NCL: variants seen among roughly 807,000 people sequenced by gnomAD.
NCL encodes the protein nucleolin multifunctional protein.
NCL carries 4 observed loss-of-function variants against 77.7 expected under a neutral mutation model. That is an observed-to-expected ratio of 0.05 (90% confidence interval 0.03 to 0.12). NCL has a LOEUF of 0.12. Ranked by LOEUF, NCL falls within the 10% of genes least tolerant of loss-of-function variation. NCL has a pLI of 1.00. For missense variants in NCL, 763 were observed against 860.9 expected (o/e 0.89, Z 1.42); for synonymous variants, 344 against 297.8 (o/e 1.16, Z -1.60).
At chr2:231,458,540 T>C (rs2046914902) in intron 7 of NCL, 151 bp from the exon 8 acceptor site, 4 of 987,158 alleles carry the variant, frequency 4.1e-6, no homozygotes, top group Admixed American at 5.8e-5. Context: ...TATGGAGATA[T>C]AGCAGTGTCA....
rs1394175523 is a variant in NCL at position 231,454,867 on chromosome 2, C to CAA, written c.*322_*323dup. 2 of 168,162 alleles carry CAA rather than the reference C, an allele frequency of 1.2e-5. No homozygotes were observed. Among genetic ancestry groups the CAA allele is most frequent in the Non-Finnish European group, 2.4e-5 (2 of 83,036 alleles). The allele number at this position is 168,162 out of a possible 1,614,324, so 10.4% of individuals were successfully genotyped here. A position where few individuals can be genotyped will look rare whatever the true frequency, so the allele number is the denominator to read the frequency against. On this transcript the variant is annotated 3_prime_UTR_variant, in exon 14 of 14. Transcript: ENST00000322723. ...AACGCAAAAAAAAAAAAAACAAAAA[C>CAA]AAAACAAAAAAAAGAAACAACAACA...
At chr2:231,459,205 T>C (rs1367218744) in intron 6 of NCL, 80 bp from the exon 7 acceptor site, 2 of 1,383,536 alleles carry the variant, frequency 1.4e-6, no homozygotes, top group Non-Finnish European at 1.9e-6. Context: ...TAGACAAATG[T>C]GATGGTGCAA....
In NCL at chr2:231,455,380, CATT is replaced by C. The variant is rs768166540; in HGVS notation, c.2056+18_2056+20del. ...CTGAAGAGCACATGCTATGTGGTGT[CATT>C]ATCTCTGCGTGCCTTACCTCCAAAG... is the stretch of plus-strand genomic sequence containing the variant. On this transcript the variant is annotated intron_variant, in intron 13 of 13. Transcript: ENST00000322723. 7 of 1,613,730 alleles carry C rather than the reference CATT, an allele frequency of 4.3e-6. No homozygotes were observed. The highest frequency in any genetic ancestry group is 5.1e-6 in the Non-Finnish European group (6 of 1,179,986).
At chr2:231,462,300 T>G (rs879611931) in intron 2 of NCL, among the ~76,000 whole-genome samples, 1 of 152,172 alleles carries the variant, frequency 6.6e-6, no homozygotes, top group Non-Finnish European at 1.5e-5. Flanking sequence ...AGCCCCAACT[T>G]TCTCATCTGA....
At chr2:231,458,517 G>A (rs1376796808) in intron 7 of NCL, 128 bp from the exon 8 acceptor site, 3 of 1,195,862 alleles carry the variant, frequency 2.5e-6, no homozygotes, top group Non-Finnish European at 3.5e-6. Flanking sequence ...AATGTACAAG[G>A]CTCGGTGCTA....
intron 6 of NCL, 113 bp from the exon 7 acceptor site, chr2:231,459,238 C>CA: frequency 8.2e-7 from 1 of 1,214,302 alleles, no homozygotes; most frequent in Non-Finnish European, 1.1e-6. Flanking sequence ...TTTTAAAAAG[C>CA]ACCCCTAGTA....
At chr2:231,464,138 A>T in intron 1 of NCL, 198 bp downstream of exon 1, 2 of 1,387,388 alleles carry the variant, frequency 1.4e-6, no homozygotes, top group Middle Eastern at 2.8e-4. Context: ...CGCCGCCCCC[A>T]GCACCTGCAG....
At position 231,455,271 on chromosome 2, in the gene NCL, C is replaced by A. The variant is rs377062026; in HGVS notation, c.2057-4G>T. The A allele has an allele frequency of 3.1e-6, 5 of 1,614,166 alleles. No homozygotes were observed. The highest frequency in any genetic ancestry group is 1.3e-5 in the African/African-American group (1 of 75,040). On this transcript the variant is annotated splice_polypyrimidine_tract_variant and splice_region_variant and intron_variant, in intron 13 of 13. Coordinates refer to ENST00000322723, the MANE Select transcript of NCL (RefSeq NM_005381.3). ...CCTCCTCGGAAGCCTCCTCGCCCTA[C>A]AGGAGGAAGGCAAGACACTGTTAAA...
At position 231,462,203 on chromosome 2, in the gene NCL, G is replaced by A. The variant is rs1575263742; in HGVS notation, c.136-186C>T. On this transcript the variant is annotated intron_variant, in intron 2 of 13. Coordinates refer to ENST00000322723, the MANE Select transcript of NCL (RefSeq NM_005381.3). ...TAAGTCAGAGCCCCTATCATAAGGTGAATACCCAGACATAAGGAACTCTTT... is the reference window on the plus strand; with the variant it reads ...TAAGTCAGAGCCCCTATCATAAGGTAAATACCCAGACATAAGGAACTCTTT... 3.8e-6 allele frequency: 3 copies of A among 786,160 alleles called. No homozygotes were observed. The East Asian group carries it at 7.5e-5, about 20-fold the overall frequency. The allele number at this position is 786,160 out of a possible 1,614,324, so 48.7% of individuals were successfully genotyped here.
In NCL at chr2:231,454,961, C is replaced by CAGAT. The variant is rs2046869782; in HGVS notation, c.*226_*229dup. On this transcript the variant is annotated 3_prime_UTR_variant, in exon 14 of 14. Coordinates refer to ENST00000322723, the MANE Select transcript of NCL (RefSeq NM_005381.3). ...TGAAACAATATAAATTCAAAACTTA[C>CAGAT]AGATAAGGGTTAGCTCTATCACTCA... 2.4e-6 allele frequency: 1 copy of CAGAT among 411,486 alleles called. No homozygotes were observed. The highest frequency in any genetic ancestry group is 6.7e-5 in the South Asian group (1 of 14,904). 25.5% of individuals were successfully genotyped at this position (411,486 alleles called of 1,614,324 possible).
Position 231,463,191 on chromosome 2 carries a change from T to C in NCL, c.135+9A>G. ...TAACATAATTCTGCATTAAGTTGGA[T>C]AAAATTACCTCTTCTCCACTGCTAT... On this transcript the variant is annotated intron_variant, in intron 2 of 13. Transcript: ENST00000322723. 1 of 1,558,030 alleles carries C rather than the reference T, an allele frequency of 6.4e-7. No individual in the cohort carries two copies. Among genetic ancestry groups the C allele is most frequent in the Non-Finnish European group, 8.7e-7 (1 of 1,143,684 alleles).
rs753581034 is a variant in NCL, at chr2:231,460,802, A to G, written c.678T>C (p.Pro226=). 6.2e-7 allele frequency: 1 copy of G among 1,614,024 alleles called. No individual in the cohort carries two copies. Among genetic ancestry groups the G allele is most frequent in the African/African-American group, 1.3e-5 (1 of 74,904 alleles). The change falls in exon 4 of 14, where the codon CCT becomes CCC. Residue 226 remains proline (P), a synonymous_variant. Transcript: ENST00000322723. ...AKGKKAAKVV[P]VKAKNVAEDE... ...CCTCAGCCACGTTCTTGGCTTTCAC[A>G]GGAACAACTTTTGCAGCTTTCTTTC... is the stretch of plus-strand genomic sequence containing the variant.
At position 231,455,108 on chromosome 2, in the gene NCL, A is replaced by C; in HGVS notation, c.*83T>G. 1 of 1,467,224 alleles carries C rather than the reference A, an allele frequency of 6.8e-7. No homozygotes were observed. Among genetic ancestry groups the C allele is most frequent in the Admixed American group, 1.7e-5 (1 of 59,462 alleles). 90.9% of individuals were successfully genotyped at this position (1,467,224 alleles called of 1,614,324 possible). On this transcript the variant is annotated 3_prime_UTR_variant, in exon 14 of 14. Transcript: ENST00000322723. The stretch of plus-strand genomic sequence containing the variant: ...GTATACTGTCTTGGAATGTCCTCAG[A>C]AGGCTCTGTCATTGATCAGGTAACA...
chr2:231,463,573 C>A, intron 1 of NCL: 2 of 472,514 alleles, frequency 4.2e-6, no homozygotes, highest in Non-Finnish European at 3.7e-6. Context: ...GAAATGATTT[C>A]TCCTCCCGTT....
intron 1 of NCL, chr2:231,463,576 CTCCCGTT>C: frequency 2.1e-6 from 1 of 465,584 alleles, no homozygotes. Flanking sequence ...ATGATTTCTC[CTCCCGTT>C]ACCTTAGTTA....
chr2:231,462,392 G>C, intron 2 of NCL: 1 of 382,092 alleles, frequency 2.6e-6, no homozygotes. Context: ...CACATAGGAG[G>C]CTCCAAGCAT....
rs2046880651 is a variant in NCL at position 231,455,737 on chromosome 2, A to G, written c.1833-113T>C. On this transcript the variant is annotated intron_variant, in intron 12 of 13. Coordinates refer to ENST00000322723, the MANE Select transcript of NCL (RefSeq NM_005381.3). ...AGAAAGTAGCCTTGTTTATTTGGGA[A>G]AAGATACCAGTGACAGAGTAGCTCT... The G allele has an allele frequency of 7.6e-6, 10 of 1,319,314 alleles. No individual in the cohort carries two copies. In the East Asian group the frequency reaches 2.3e-4, roughly 30 times the overall value. The allele number at this position is 1,319,314 out of a possible 1,614,324, so 81.7% of individuals were successfully genotyped here.
Position 231,455,991 on chromosome 2 carries a change from T to C in NCL, c.1832+19A>G, listed in dbSNP as rs1427084055. ...AAACCCCTTCAAGTGGAAGCAGCACTCACGCTTCCTTCCCTTACCCTTTGG... is the reference window on the plus strand; with the variant it reads ...AAACCCCTTCAAGTGGAAGCAGCACCCACGCTTCCTTCCCTTACCCTTTGG... On this transcript the variant is annotated intron_variant, in intron 12 of 13. Transcript: ENST00000322723. 6.2e-7 allele frequency: 1 copy of C among 1,614,204 alleles called. No homozygotes were observed. Among genetic ancestry groups the C allele is most frequent in the Non-Finnish European group, 8.5e-7 (1 of 1,180,028 alleles).
At chr2:231,457,206 A>T in intron 9 of NCL, 82 bp from the exon 10 acceptor site, 1 of 1,568,956 alleles carries the variant, frequency 6.4e-7, no homozygotes, top group South Asian at 1.1e-5. Flanking sequence ...CTTATTCCTA[A>T]GAATTTCAGT....
Sources: allele counts gnomAD v4.1 joint callset (sites outside exome capture counted in the v4.1 genomes callset), GRCh38; gene constraint gnomAD v4.1.1; transcripts MANE v1.5; gene names NCBI Gene and HGNC (gene_info 2026-07-23, HGNC 2026-07-21).